ATP2B4: variants seen among roughly 807,000 people sequenced by gnomAD.
ATP2B4 encodes ATPase plasma membrane Ca2+ transporting 4, also known as plasma membrane calcium-transporting ATPase 4.
ATP2B4 carries 39 observed loss-of-function variants against 110.3 expected under a neutral mutation model. The observed-to-expected ratio is 0.35, with a 90% confidence interval of 0.27 to 0.46. ATP2B4 has a LOEUF of 0.46. Among genes scored for constraint, ATP2B4 ranks in the 20% least tolerant of loss-of-function variants. The pLI is 1.00. For synonymous variants in ATP2B4, 538 were observed against 571.7 expected, an observed-to-expected ratio of 0.94 and a Z score of 0.84; for missense variants, 1,135 against 1,530.9, an observed-to-expected ratio of 0.74 and a Z score of 4.32.
At chr1:203,684,617 CA>C (rs1263171644) in intron 2 of ATP2B4, among the ~76,000 whole-genome samples, 6 of 151,648 alleles carry the variant, frequency 4.0e-5, no homozygotes, top group African/African-American at 1.5e-4. Context: ...CTTGGCCTCC[CA>C]AAGTGTTGGG....
chr1:203,679,665 A>C (rs1664939282), intron 1 of ATP2B4, among the ~76,000 whole-genome samples: 1 of 152,132 alleles, frequency 6.6e-6, no homozygotes, highest in Non-Finnish European at 1.5e-5. Flanking sequence ...GGGGTGGATC[A>C]CAAGGTCAAG....
chr1:203,670,146 T>C (rs1664619076), intron 1 of ATP2B4, among the ~76,000 whole-genome samples: 1 of 151,854 alleles, frequency 6.6e-6, no homozygotes, highest in South Asian at 2.1e-4. Context: ...TCCCAAGTAA[T>C]GGCCACTCGG....
intron 4 of ATP2B4, 34 bp from the exon 5 acceptor site, chr1:203,700,161 TCTTACTATCTC>T: frequency 6.3e-7 from 1 of 1,588,076 alleles, no homozygotes; most frequent in Non-Finnish European, 8.6e-7. Flanking sequence ...TCAGCCAGTC[TCTTACTATCTC>T]CTTCACTGTC....
intron 12 of ATP2B4, 137 bp from the exon 13 acceptor site, chr1:203,711,823 C>T (rs1666016392): frequency 6.4e-6 from 6 of 940,294 alleles, no homozygotes; most frequent in Non-Finnish European, 9.5e-6. Context: ...TCAAAATGAC[C>T]AGACCTAGCC....
chr1:203,722,793 C>T (rs2102217361), intron 18 of ATP2B4, 104 bp downstream of exon 18: 10 of 1,079,346 alleles, frequency 9.3e-6, no homozygotes, highest in South Asian at 3.1e-5. Context: ...GAAGGAATTA[C>T]GGGGACTGGA....
chr1:203,669,701 C>T (rs575137619), intron 1 of ATP2B4, among the ~76,000 whole-genome samples: 12 of 152,170 alleles, frequency 7.9e-5, no homozygotes, highest in African/African-American at 2.9e-4. Flanking sequence ...CCTCCCAAAG[C>T]GCTGGGATTA....
intron 1 of ATP2B4, among the ~76,000 whole-genome samples, chr1:203,676,046 G>A (rs1664818467): frequency 6.6e-6 from 1 of 152,148 alleles, no homozygotes; most frequent in African/African-American, 2.4e-5. Flanking sequence ...CCAGGCCATG[G>A]TATACTATCC....
intron 14 of ATP2B4, 116 bp downstream of exon 14, chr1:203,713,368 G>T: frequency 1.9e-6 from 2 of 1,068,430 alleles, no homozygotes; most frequent in Non-Finnish European, 2.8e-6. Flanking sequence ...TCCTAGGAGA[G>T]CTCCCAGGCT....
At chr1:203,691,888 C>T (rs1665387263) in intron 2 of ATP2B4, among the ~76,000 whole-genome samples, 1 of 148,392 alleles carries the variant, frequency 6.7e-6, no homozygotes, top group Non-Finnish European at 1.5e-5. Context: ...TTAATTTTAA[C>T]TTTTTTTTTT....
intron 1 of ATP2B4, among the ~76,000 whole-genome samples, chr1:203,640,464 C>T (rs770475609): frequency 7.2e-5 from 11 of 152,198 alleles, no homozygotes; most frequent in Middle Eastern, 3.4e-3. Context: ...ACTACAAGTG[C>T]GTGCCACCAT....
intron 3 of ATP2B4, 27 bp downstream of exon 3, chr1:203,698,381 A>G: frequency 6.2e-7 from 1 of 1,609,922 alleles, no homozygotes; most frequent in African/African-American, 1.3e-5. Flanking sequence ...GCTCAGCGTG[A>G]CTCTTATCTG....
At chr1:203,684,867 T>C (rs1665134614) in intron 2 of ATP2B4, among the ~76,000 whole-genome samples, 1 of 152,206 alleles carries the variant, frequency 6.6e-6, no homozygotes, top group African/African-American at 2.4e-5. Flanking sequence ...TTTTTTGGTT[T>C]TTTTGTTTTG....
At chr1:203,669,649 C>T (rs1207421762) in intron 1 of ATP2B4, among the ~76,000 whole-genome samples, 1 of 152,070 alleles carries the variant, frequency 6.6e-6, no homozygotes, top group Non-Finnish European at 1.5e-5. Flanking sequence ...ATTGGTCAGG[C>T]TGGTCTCGAA....
intron 10 of ATP2B4, among the ~76,000 whole-genome samples, chr1:203,708,355 C>G (rs1197055653): frequency 6.6e-6 from 1 of 152,134 alleles, no homozygotes; most frequent in Non-Finnish European, 1.5e-5. Context: ...AAAGCAATGT[C>G]TCTAAGGAGG....
chr1:203,687,521 A>G (rs1175498555), intron 2 of ATP2B4, among the ~76,000 whole-genome samples: 1 of 152,210 alleles, frequency 6.6e-6, no homozygotes, highest in Non-Finnish European at 1.5e-5. Flanking sequence ...AAGAATAAAG[A>G]AATGTACCTG....
At position 203,739,645 on chromosome 1, in the gene ATP2B4, G is replaced by A. The variant is rs778373203; in HGVS notation, c.3409G>A (p.Ala1137Thr). The A allele has an allele frequency of 1.1e-5, 17 of 1,613,968 alleles. No individual in the cohort carries two copies. The highest frequency in any genetic ancestry group is 9.9e-5 in the South Asian group (9 of 91,080). ...IHSFMTHPEFAIEEELPRTPL... is the reference protein window; with the variant it reads ...IHSFMTHPEFTIEEELPRTPL... ...CAGCTTCATGACCCACCCTGAATTC[G>A]CCATAGAGGAGGAGTTGCCACGAAC... Residue 1137 changes from alanine to threonine, a missense_variant, in exon 21 of 21, where the codon GCC becomes ACC. Ala to Thr is a moderately conservative substitution (Grantham distance 58, BLOSUM62 0). This residue lies in a region of ATP2B4 where 92 missense variants were observed against 82.5 expected (regional missense o/e 1.11). Transcript: ENST00000357681.
intron 13 of ATP2B4, among the ~76,000 whole-genome samples, chr1:203,712,602 A>C (rs1480292992): frequency 6.6e-6 from 1 of 151,806 alleles, no homozygotes; most frequent in East Asian, 1.9e-4. Flanking sequence ...AAAAAGAAAA[A>C]AAAAAGAGGG....
Position 203,722,557 on chromosome 1 carries a change from T to A in ATP2B4, c.2892T>A (p.Phe964Leu). ...CCAGCCAGCACTATACCATTGTTTT[T>A]AACACCTTCGTGCTGATGCAGCTCT... Reference protein sequence around the residue: ...SPPSQHYTIVFNTFVLMQLFN... With the variant: ...SPPSQHYTIVLNTFVLMQLFN... The change falls in exon 18 of 21, where the codon TTT becomes TTA. Residue 964 changes from phenylalanine (F) to leucine (L), a missense_variant. Physicochemically the swap from Phe to Leu is conservative, Grantham distance 22. Coordinates refer to ENST00000357681, the MANE Select transcript of ATP2B4 (RefSeq NM_001684.5). 1 of 1,614,212 alleles carries A rather than the reference T, an allele frequency of 6.2e-7. No homozygotes were observed. The highest frequency in any genetic ancestry group is 8.5e-7 in the Non-Finnish European group (1 of 1,180,018).
At chr1:203,674,092 C>T (rs1393280347) in intron 1 of ATP2B4, among the ~76,000 whole-genome samples, 9 of 152,140 alleles carry the variant, frequency 5.9e-5, no homozygotes, top group African/African-American at 1.9e-4. Flanking sequence ...CGGAGGGCTG[C>T]GTCCTGTCTG....
Sources: allele counts gnomAD v4.1 joint callset (sites outside exome capture counted in the v4.1 genomes callset), GRCh38; gene constraint gnomAD v4.1.1; regional missense constraint gnomAD v4.1.1; transcripts MANE v1.5; gene names NCBI Gene and HGNC (gene_info 2026-07-23, HGNC 2026-07-21).